ELAPOR2: variants seen among roughly 807,000 people sequenced by gnomAD.
ELAPOR2 encodes endosome/lysosome-associated apoptosis and autophagy regulator family member 2.
In ELAPOR2, 89 loss-of-function variants were observed where a neutral mutation model predicts 120.7. The ratio of observed to expected loss-of-function variants is 0.74; its 90% CI spans 0.62 to 0.88. The LOEUF is 0.88. ELAPOR2 is among the 40% of genes least tolerant of loss of function. The pLI is 0.00. For missense variants in ELAPOR2, 1,134 were observed against 1,251.6 expected, an observed-to-expected ratio of 0.91 and a Z score of 1.42; for synonymous variants, 444 against 444.9, an observed-to-expected ratio of 1.00 and a Z score of 0.03.
intron 2 of ELAPOR2, among the ~76,000 whole-genome samples, chr7:86,959,234 G>A: frequency 6.6e-6 from 1 of 152,084 alleles, no homozygotes; most frequent in East Asian, 1.9e-4. Flanking sequence ...AGTCTCTAGG[G>A]TTTTCTAGAC....
chr7:86,957,197 T>C (rs1791509203), intron 2 of ELAPOR2, among the ~76,000 whole-genome samples: 1 of 152,238 alleles, frequency 6.6e-6, no homozygotes, highest in Non-Finnish European at 1.5e-5. Flanking sequence ...AGGTTTAACT[T>C]TGTCTTCGCA....
intron 1 of ELAPOR2, among the ~76,000 whole-genome samples, chr7:87,004,501 A>G (rs1367489232): frequency 6.6e-6 from 1 of 152,198 alleles, no homozygotes; most frequent in Non-Finnish European, 1.5e-5. Flanking sequence ...CTCCCACCAC[A>G]AACTCTAAGT....
At chr7:86,894,438 A>G (rs1003946525) in intron 19 of ELAPOR2, among the ~76,000 whole-genome samples, 2 of 152,042 alleles carry the variant, frequency 1.3e-5, no homozygotes, top group African/African-American at 4.8e-5. Context: ...TTCTAACAAG[A>G]AAAAAAGACT....
chr7:87,030,285 T>TAC (rs1794383172), intron 1 of ELAPOR2, among the ~76,000 whole-genome samples: 1 of 152,158 alleles, frequency 6.6e-6, no homozygotes, highest in Admixed American at 6.5e-5. Context: ...TCAGTCACAG[T>TAC]ACATACCAAT....
intron 19 of ELAPOR2, among the ~76,000 whole-genome samples, chr7:86,895,314 T>TAC (rs1355965445): frequency 2.6e-5 from 4 of 152,102 alleles, no homozygotes; most frequent in Non-Finnish European, 5.9e-5. Context: ...TATTCCCACT[T>TAC]ACTGTATCAT....
chr7:87,007,331 T>C (rs1793517571), intron 1 of ELAPOR2, among the ~76,000 whole-genome samples: 1 of 152,198 alleles, frequency 6.6e-6, no homozygotes, highest in South Asian at 2.1e-4. Context: ...TGAGTATAAC[T>C]GAAACCAGGT....
At chr7:87,043,021 T>A (rs1340797655) in intron 1 of ELAPOR2, among the ~76,000 whole-genome samples, 12 of 152,126 alleles carry the variant, frequency 7.9e-5, no homozygotes, top group Non-Finnish European at 1.2e-4. Context: ...AAGAAATGGA[T>A]AAATTCCTTG....
At chr7:86,915,518 T>C (rs954725878) in intron 12 of ELAPOR2, among the ~76,000 whole-genome samples, 1 of 151,996 alleles carries the variant, frequency 6.6e-6, no homozygotes, top group African/African-American at 2.4e-5. Flanking sequence ...CCAACTGATA[T>C]GCTGTCATTA....
Position 86,879,918 on chromosome 7 carries a change from ACCTATG to A in ELAPOR2, c.*547_*552del. On this transcript the variant is annotated 3_prime_UTR_variant, in exon 22 of 22. Transcript: ENST00000450689. ...CTGAAATTTAAATCAAGAGAAGATAACCTATGGAAAAATGAAAAATTTATTGTCTTC... is the reference window on the plus strand; with the variant it reads ...CTGAAATTTAAATCAAGAGAAGATAAGAAAAATGAAAAATTTATTGTCTTC... 1 of 152,344 alleles carries A rather than the reference ACCTATG, an allele frequency of 6.6e-6. No individual in the cohort carries two copies. The highest frequency in any genetic ancestry group is 2.1e-4 in the South Asian group (1 of 4,824). The allele number at this position is 152,344 out of a possible 1,614,324, so 9.4% of individuals were successfully genotyped here.
chr7:87,035,611 T>A (rs1373073209), intron 1 of ELAPOR2, among the ~76,000 whole-genome samples: 1 of 152,192 alleles, frequency 6.6e-6, no homozygotes, highest in East Asian at 1.9e-4. Flanking sequence ...TTTGTCAATA[T>A]CCCTCTTCAA....
chr7:86,891,944 T>C, intron 20 of ELAPOR2, 55 bp from the exon 21 acceptor site: 2 of 1,150,128 alleles, frequency 1.7e-6, no homozygotes, highest in South Asian at 1.7e-5. Flanking sequence ...TTAATATAAA[T>C]AAATACTTAT....
intron 1 of ELAPOR2, among the ~76,000 whole-genome samples, chr7:87,038,919 A>C (rs186962561): frequency 1.0e-4 from 15 of 149,714 alleles, no homozygotes; most frequent in Admixed American, 9.9e-4. Flanking sequence ...AATTAATAGA[A>C]AATAATAAAA....
chr7:87,057,260 G>T (rs140766624), intron 1 of ELAPOR2, among the ~76,000 whole-genome samples: 295 of 152,224 alleles, frequency 1.9e-3, no homozygotes, highest in African/African-American at 6.7e-3. Context: ...AAAATAACTT[G>T]CCCTCCCCAC....
At chr7:87,004,584 C>T (rs1362055843) in intron 1 of ELAPOR2, among the ~76,000 whole-genome samples, 1 of 152,132 alleles carries the variant, frequency 6.6e-6, no homozygotes, top group South Asian at 2.1e-4. Flanking sequence ...CCTGCCTGCC[C>T]TGTCATCTGC....
chr7:87,059,237 A>G (rs746037280), intron 1 of ELAPOR2, 88 bp downstream of exon 1: 1 of 1,235,448 alleles, frequency 8.1e-7, no homozygotes, highest in Non-Finnish European at 1.0e-6. Context: ...AGGGGATGGC[A>G]AACAGAAATA....
chr7:86,946,548 G>C (rs1282117893), intron 3 of ELAPOR2, among the ~76,000 whole-genome samples: 2 of 152,046 alleles, frequency 1.3e-5, no homozygotes, highest in African/African-American at 4.8e-5. Flanking sequence ...CACCACGCCA[G>C]GCTAATTTTT....
rs1297755491 is a variant in ELAPOR2, at chr7:86,964,914, G to C, written c.300C>G (p.Gly100=). 6 of 1,551,296 alleles carry C rather than the reference G, an allele frequency of 3.9e-6. No individual in the cohort carries two copies. The African/African-American group carries it at 8.2e-5, about 21-fold the overall frequency. Residue 100 remains glycine, a synonymous_variant, in exon 2 of 22, where the codon GGC becomes GGG. Coordinates refer to ENST00000450689, the MANE Select transcript of ELAPOR2 (RefSeq NM_001142749.3). ...AATGACAAAACATACTGCATTCTTT[G>C]CCTCTCACTGGGTCAGGCAGGCCAG... ...DCSGLPDPVR[G]KECTFSCASG...
chr7:87,024,578 T>C (rs1356344104), intron 1 of ELAPOR2, among the ~76,000 whole-genome samples: 2 of 152,180 alleles, frequency 1.3e-5, no homozygotes, highest in South Asian at 2.1e-4. Flanking sequence ...GCTGGCCTCA[T>C]AAAATGAGTT....
At chr7:86,910,372 T>A (rs752428368) in intron 15 of ELAPOR2, among the ~76,000 whole-genome samples, 2 of 152,140 alleles carry the variant, frequency 1.3e-5, no homozygotes, top group African/African-American at 4.8e-5. Context: ...AAACTGCTGA[T>A]GAAAGCTTCA....
Sources: allele counts gnomAD v4.1 joint callset (sites outside exome capture counted in the v4.1 genomes callset), GRCh38; gene constraint gnomAD v4.1.1; transcripts MANE v1.5; gene names NCBI Gene and HGNC (gene_info 2026-07-23, HGNC 2026-07-21).